Variants in ATXN1 observed in about 807,000 individuals in gnomAD.
ATXN1 encodes the protein ataxin-1.
In ATXN1, 8 loss-of-function variants were observed where a neutral mutation model predicts 56.4. That is an observed-to-expected ratio of 0.14 (90% CI 0.08 to 0.26). The LOEUF (loss-of-function observed/expected upper bound fraction) is 0.26, where lower values mean the gene tolerates loss of function less well. Ranked by LOEUF, ATXN1 falls within the 10% of genes least tolerant of loss-of-function variation. The pLI, the probability that ATXN1 is intolerant of heterozygous loss-of-function variation, is 1.00. For missense variants in ATXN1, 987 were observed against 1,106.5 expected, an observed-to-expected ratio of 0.89 and a Z score of 1.53; for synonymous variants, 514 against 494.6, an observed-to-expected ratio of 1.04 and a Z score of -0.52.
At chr6:16,428,262 G>A (rs1759200887) in intron 6 of ATXN1, among the ~76,000 whole-genome samples, 1 of 151,818 alleles carries the variant, frequency 6.6e-6, no homozygotes, top group Admixed American at 6.6e-5. Flanking sequence ...GGGATTACAG[G>A]CGCTCACCAC....
At chr6:16,547,242 T>A (rs1225543985) in intron 4 of ATXN1, among the ~76,000 whole-genome samples, 1 of 152,184 alleles carries the variant, frequency 6.6e-6, no homozygotes. Context: ...CAAATGCACA[T>A]AAAGATACAG....
rs1424908825 is a variant in ATXN1 at position 16,721,610 on chromosome 6, G to GAGGC, written c.-615+31622_-615+31623insGCCT. ...CCACTGCACTCCAGCCAGGGTGATAGAGGGAGACCCTGCCTCTTAAAAAAT... is the reference window on the plus strand; with the variant it reads ...CCACTGCACTCCAGCCAGGGTGATAGAGGCAGGGAGACCCTGCCTCTTAAAAAAT... On this transcript the variant is annotated intron_variant, in intron 2 of 7. Transcript: ENST00000436367. Among the ~76,000 whole-genome samples the GAGGC allele has an allele frequency of 2.6e-5, 4 of 152,296 alleles. No individual in the cohort carries two copies. The East Asian group carries it at 7.7e-4, about 29-fold the overall frequency.
Position 16,675,268 on chromosome 6 carries a change from T to G in ATXN1, c.-614-17367A>C, listed in dbSNP as rs551858292. On this transcript the variant is annotated intron_variant, in intron 2 of 7. Coordinates refer to ENST00000436367, the MANE Select transcript of ATXN1 (RefSeq NM_001128164.2). ...TGGAGATTAACCCGCAATCAAATAC[T>G]GCCGTATGAGTCCGTGCTAAGACTT... is the stretch of plus-strand genomic sequence containing the variant. Among the ~76,000 whole-genome samples the G allele has an allele frequency of 1.1e-4, 17 of 152,348 alleles. 1 individual carries two copies. The highest frequency in any genetic ancestry group is 2.9e-5 in the Non-Finnish European group (2 of 68,028).
intron 6 of ATXN1, among the ~76,000 whole-genome samples, chr6:16,351,080 C>G (rs771551663): frequency 6.6e-6 from 1 of 152,006 alleles, no homozygotes; most frequent in Middle Eastern, 3.2e-3. Context: ...CAGAACAAGA[C>G]CCTGTCTCAA....
intron 6 of ATXN1, among the ~76,000 whole-genome samples, chr6:16,397,881 T>A (rs535894385): frequency 6.6e-6 from 1 of 152,310 alleles, no homozygotes; most frequent in South Asian, 2.1e-4. Flanking sequence ...GGCCACAGAA[T>A]TTGACGGATT....
chr6:16,531,726 A>G (rs1040231874), intron 4 of ATXN1, among the ~76,000 whole-genome samples: 1 of 152,206 alleles, frequency 6.6e-6, no homozygotes, highest in Non-Finnish European at 1.5e-5. Flanking sequence ...TGCCCCAATC[A>G]AAAAACAAAG....
chr6:16,405,622 T>G (rs1405915328), intron 6 of ATXN1, among the ~76,000 whole-genome samples: 1 of 152,238 alleles, frequency 6.6e-6, no homozygotes, highest in African/African-American at 2.4e-5. Context: ...ATTTCAGAGA[T>G]GAACTCTTGC....
intron 6 of ATXN1, among the ~76,000 whole-genome samples, chr6:16,403,971 A>C (rs1279853903): frequency 2.0e-5 from 3 of 152,206 alleles, no homozygotes; most frequent in Non-Finnish European, 4.4e-5. Flanking sequence ...GGAGCTCTAA[A>C]CATCTAGTGA....
At chr6:16,604,472 C>T (rs1288008987) in intron 3 of ATXN1, among the ~76,000 whole-genome samples, 1 of 151,910 alleles carries the variant, frequency 6.6e-6, no homozygotes, top group Non-Finnish European at 1.5e-5. Flanking sequence ...GCTCTCCAGC[C>T]TGGGTGATGG....
rs1760139676 is a variant in ATXN1, at chr6:16,302,685, T to C, written c.*3644A>G. 1.3e-5 allele frequency: 2 copies of C among 152,646 alleles called. No individual in the cohort carries two copies. Among genetic ancestry groups the C allele is most frequent in the Admixed American group, 6.5e-5 (1 of 15,282 alleles). 9.5% of individuals were successfully genotyped at this position (152,646 alleles called of 1,614,324 possible). A position where few individuals can be genotyped will look rare whatever the true frequency, so the allele number is the denominator to read the frequency against. On this transcript the variant is annotated 3_prime_UTR_variant, in exon 8 of 8. Transcript: ENST00000436367. ...TATTAATAGTATTATTTTTTTCTTT[T>C]CGCCCTGACTAATTTCTTGGTGATT...
intron 3 of ATXN1, among the ~76,000 whole-genome samples, chr6:16,617,408 A>C (rs1316334247): frequency 6.6e-6 from 1 of 152,182 alleles, no homozygotes; most frequent in African/African-American, 2.4e-5. Context: ...TAGACTAAAA[A>C]TAGCTAATAA....
At chr6:16,730,445 T>G (rs1409073408) in intron 2 of ATXN1, among the ~76,000 whole-genome samples, 1 of 144,038 alleles carries the variant, frequency 6.9e-6, no homozygotes, top group Non-Finnish European at 1.5e-5. Flanking sequence ...GAAAAAGATG[T>G]GTGAACGCAA....
chr6:16,311,311 T>C (rs1287056177), intron 7 of ATXN1, among the ~76,000 whole-genome samples: 1 of 152,222 alleles, frequency 6.6e-6, no homozygotes, highest in Non-Finnish European at 1.5e-5. Context: ...TTTATCCCAG[T>C]CATTGGCCCC....
At chr6:16,357,243 T>TTTTATTTTA (rs1460074437) in intron 6 of ATXN1, among the ~76,000 whole-genome samples, 20 of 149,410 alleles carry the variant, frequency 1.3e-4, no homozygotes, top group Admixed American at 1.1e-3. Context: ...TTTTATTTTA[T>TTTTATTTTA]TTTATTTTAT....
At chr6:16,609,587 A>C (rs1763069061) in intron 3 of ATXN1, among the ~76,000 whole-genome samples, 1 of 152,208 alleles carries the variant, frequency 6.6e-6, no homozygotes, top group Non-Finnish European at 1.5e-5. Flanking sequence ...TTTAAGAACA[A>C]AGCCTTCAGC....
intron 2 of ATXN1, chr6:16,667,702 A>G: frequency 6.6e-6 from 1 of 152,262 alleles, no homozygotes; most frequent in East Asian, 1.9e-4. Context: ...GCAAGGAGCT[A>G]TGTAGTGTTA....
intron 5 of ATXN1, among the ~76,000 whole-genome samples, chr6:16,510,877 A>G (rs927047666): frequency 6.6e-6 from 1 of 152,236 alleles, no homozygotes; most frequent in Non-Finnish European, 1.5e-5. Context: ...TTGTCTTTTT[A>G]TAAAGCTTGT....
intron 4 of ATXN1, among the ~76,000 whole-genome samples, chr6:16,528,734 A>T (rs967659405): frequency 6.6e-6 from 1 of 152,198 alleles, no homozygotes; most frequent in Non-Finnish European, 1.5e-5. Flanking sequence ...TGAGGAAAAT[A>T]AGGCTCAAGA....
intron 5 of ATXN1, among the ~76,000 whole-genome samples, chr6:16,487,638 T>C (rs746089439): frequency 8.5e-5 from 13 of 152,324 alleles, no homozygotes; most frequent in South Asian, 4.1e-4. Flanking sequence ...GGGGAATACA[T>C]GGTAAACAAA....
Sources: allele counts gnomAD v4.1 joint callset (sites outside exome capture counted in the v4.1 genomes callset), GRCh38; gene constraint gnomAD v4.1.1; transcripts MANE v1.5; gene names NCBI Gene and HGNC (gene_info 2026-07-23, HGNC 2026-07-21).